The following MGAM2 variants were observed in gnomAD, a reference collection of about 807,000 sequenced individuals.
The protein encoded by MGAM2 is probable maltase-glucoamylase 2.
MGAM2 carries 98 observed loss-of-function variants against 96.1 expected under a neutral mutation model. The observed-to-expected ratio is 1.02, with a 90% CI of 0.87 to 1.21. The LOEUF (loss-of-function observed/expected upper bound fraction) is 1.21, where lower values mean the gene tolerates loss of function less well. MGAM2 is among the 50% of genes most tolerant of loss of function. MGAM2 has a pLI of 0.00. For missense variants in MGAM2, 2,055 were observed against 1,182.4 expected, an observed-to-expected ratio of 1.74 and a Z score of -10.82; for synonymous variants, 749 against 414.8, an observed-to-expected ratio of 1.81 and a Z score of -9.79.
intron 46 of MGAM2, among the ~76,000 whole-genome samples, chr7:142,215,876 T>G (rs961865339): frequency 2.0e-5 from 3 of 152,190 alleles, no homozygotes; most frequent in Non-Finnish European, 4.4e-5. Flanking sequence ...CCCTTTTTCT[T>G]TTCACTTTTT....
chr7:142,164,450 T>A (rs1585178133), intron 23 of MGAM2, among the ~76,000 whole-genome samples: 1 of 152,156 alleles, frequency 6.6e-6, no homozygotes, highest in African/African-American at 2.4e-5. Context: ...TTAGCTCTTA[T>A]CATCATTATT....
At chr7:142,118,766 G>A (rs1210531359) in intron 2 of MGAM2, among the ~76,000 whole-genome samples, 6 of 151,818 alleles carry the variant, frequency 4.0e-5, no homozygotes, top group South Asian at 2.1e-4. Flanking sequence ...CTTTCCCAGC[G>A]ATTTATTCAG....
At chr7:142,198,594 T>A in intron 43 of MGAM2, 21 bp from the exon 44 acceptor site, 1 of 701,122 alleles carries the variant, frequency 1.4e-6, no homozygotes, top group Non-Finnish European at 2.6e-6. Context: ...CGCCATTTTT[T>A]GCCTGTATTC....
chr7:142,179,788 A>G (rs910565313), intron 32 of MGAM2, among the ~76,000 whole-genome samples: 2 of 152,064 alleles, frequency 1.3e-5, no homozygotes, highest in African/African-American at 4.8e-5. Context: ...GGATTTTTGC[A>G]TCTATGTTCA....
In MGAM2 at chr7:142,141,086, G is replaced by T; in HGVS notation, c.1284G>T (p.Trp428Cys). 2 of 701,606 alleles carry T rather than the reference G, an allele frequency of 2.9e-6. No homozygotes were observed. The highest frequency in any genetic ancestry group is 3.0e-5 in the South Asian group (2 of 67,044). 43.5% of individuals were successfully genotyped at this position (701,606 alleles called of 1,614,324 possible). A position where few individuals can be genotyped will look rare whatever the true frequency, so the allele number is the denominator to read the frequency against. Residue 428 changes from tryptophan to cysteine, a missense_variant, in exon 12 of 48, where the codon TGG becomes TGT. Physicochemically the swap from Trp to Cys is radical, Grantham distance 215. Transcript: ENST00000477922. ...ATAATGGAAGCCTAAAGAGAGTGTGGATCTTGGGGAGCAATGGCTTTGCTG... is the reference window on the plus strand; with the variant it reads ...ATAATGGAAGCCTAAAGAGAGTGTGTATCTTGGGGAGCAATGGCTTTGCTG... The part of the protein sequence containing the change: ...PYNNGSLKRV[W>C]ILGSNGFAVG...
chr7:142,151,740 G>T (rs12538666), intron 15 of MGAM2, among the ~76,000 whole-genome samples: 1 of 152,072 alleles, frequency 6.6e-6, no homozygotes, highest in Non-Finnish European at 1.5e-5. Context: ...TATTCTAATA[G>T]TTATGGTTAA....
At chr7:142,192,736 T>A (rs571477089) in intron 37 of MGAM2, among the ~76,000 whole-genome samples, 1 of 152,302 alleles carries the variant, frequency 6.6e-6, no homozygotes, top group African/African-American at 2.4e-5. Context: ...CTGCATCCCA[T>A]CGCCATCTTT....
rs542363365 is a variant in MGAM2 at position 142,144,787 on chromosome 7, T to C, written c.1432-74T>C. ...GGGACCCAGATATCCTGGCTCCTAG[T>C]TCAGTAAGCGTTTCTCAACAGCTAA... On this transcript the variant is annotated intron_variant, in intron 13 of 47. Transcript: ENST00000477922. The C allele has an allele frequency of 2.5e-5, 16 of 631,510 alleles. No homozygotes were observed. The East Asian group carries it at 4.4e-4, about 17-fold the overall frequency. The allele number at this position is 631,510 out of a possible 1,614,324, so 39.1% of individuals were successfully genotyped here.
intron 3 of MGAM2, among the ~76,000 whole-genome samples, chr7:142,124,539 G>A (rs965561912): frequency 3.3e-5 from 5 of 152,026 alleles, no homozygotes; most frequent in African/African-American, 1.2e-4. Flanking sequence ...AGATTGCCTA[G>A]CTTATTCTTT....
chr7:142,221,169 A>G lies in MGAM2; in HGVS notation c.6658A>G (p.Thr2220Ala). 1 of 702,580 alleles carries G rather than the reference A, an allele frequency of 1.4e-6. No homozygotes were observed. Among genetic ancestry groups the G allele is most frequent in the Non-Finnish European group, 2.6e-6 (1 of 384,766 alleles). 43.5% of individuals were successfully genotyped at this position (702,580 alleles called of 1,614,324 possible). ...TATGAACACTACTGTTATTATGGCA[A>G]CTACTTCTCCTACAAGTACTGATGT... is the stretch of plus-strand genomic sequence containing the variant. ...NAMNTTVIMA[T>A]TSPTSTDVAS... Residue 2220 changes from threonine to alanine, a missense_variant, in exon 48 of 48, where the codon ACT becomes GCT. By Grantham distance (58) the Thr-to-Ala change is moderately conservative. Transcript: ENST00000477922.
intron 1 of MGAM2, among the ~76,000 whole-genome samples, chr7:142,115,407 A>G (rs1007271225): frequency 6.6e-6 from 1 of 152,214 alleles, no homozygotes; most frequent in Non-Finnish European, 1.5e-5. Flanking sequence ...GCAGATAGAG[A>G]GCGAGGAAGA....
intron 37 of MGAM2, among the ~76,000 whole-genome samples, chr7:142,190,857 A>G (rs1351530187): frequency 2.6e-5 from 4 of 151,968 alleles, no homozygotes; most frequent in Non-Finnish European, 5.9e-5. Context: ...AGTTGTGGCC[A>G]GGCGTGGTGG....
chr7:142,192,160 G>A (rs1157568177), intron 37 of MGAM2, among the ~76,000 whole-genome samples: 2 of 152,078 alleles, frequency 1.3e-5, no homozygotes, highest in East Asian at 1.9e-4. Flanking sequence ...CTATCAACAG[G>A]TGATGTATCA....
chr7:142,118,274 T>C (rs541707431), intron 2 of MGAM2, among the ~76,000 whole-genome samples: 1 of 152,192 alleles, frequency 6.6e-6, no homozygotes, highest in Non-Finnish European at 1.5e-5. Context: ...ATTTATCCTT[T>C]TGTGACTGGC....
At chr7:142,133,185 A>T (rs1794957308) in intron 6 of MGAM2, among the ~76,000 whole-genome samples, 1 of 141,674 alleles carries the variant, frequency 7.1e-6, no homozygotes, top group African/African-American at 2.6e-5. Context: ...ATGTTAATAT[A>T]CATTAATATA....
chr7:142,116,133 A>G (rs763736785), intron 1 of MGAM2, among the ~76,000 whole-genome samples: 2 of 152,168 alleles, frequency 1.3e-5, no homozygotes, highest in African/African-American at 2.4e-5. Flanking sequence ...GTAGATGAAG[A>G]AATACAGGTC....
At position 142,129,448 on chromosome 7, in the gene MGAM2, G is replaced by T. The variant is rs568457986; in HGVS notation, c.187-1500G>T. ...ATTTGAGAGGGGCCCGGTGCAGAAT[G>T]ACATGGTTTGACTCTGTGTCCCCAC... On this transcript the variant is annotated intron_variant, in intron 3 of 47. Coordinates refer to ENST00000477922, the MANE Select transcript of MGAM2 (RefSeq NM_001293626.2). Among the ~76,000 whole-genome samples the T allele has an allele frequency of 2.0e-5, 3 of 152,264 alleles. No individual in the cohort carries two copies. In the South Asian group the frequency reaches 6.2e-4, roughly 32 times the overall value.
At chr7:142,187,499 C>T (rs1796734954) in intron 35 of MGAM2, among the ~76,000 whole-genome samples, 1 of 152,134 alleles carries the variant, frequency 6.6e-6, no homozygotes, top group Non-Finnish European at 1.5e-5. Flanking sequence ...TTTTAAAATG[C>T]CAGGTAAGCA....
At chr7:142,214,866 G>A (rs1797705634) in intron 46 of MGAM2, among the ~76,000 whole-genome samples, 1 of 152,202 alleles carries the variant, frequency 6.6e-6, no homozygotes, top group African/African-American at 2.4e-5. Flanking sequence ...GTGTAAATTA[G>A]TTCAACCATT....
Sources: allele counts gnomAD v4.1 joint callset (sites outside exome capture counted in the v4.1 genomes callset), GRCh38; gene constraint gnomAD v4.1.1; transcripts MANE v1.5; gene names NCBI Gene and HGNC (gene_info 2026-07-23, HGNC 2026-07-21).